MAGI2: variants seen among roughly 807,000 people sequenced by gnomAD.
MAGI2 encodes membrane associated guanylate kinase, WW and PDZ domain containing 2, also known as membrane-associated guanylate kinase, WW and PDZ domain-containing protein 2.
Under a neutral mutation model 133.3 loss-of-function variants are expected in MAGI2, and 35 were observed. That is an observed-to-expected ratio of 0.26 (90% CI 0.20 to 0.35). The LOEUF (loss-of-function observed/expected upper bound fraction) is 0.35, where lower values mean the gene tolerates loss of function less well. MAGI2 is among the 10% of genes least tolerant of loss of function. MAGI2 has a pLI of 1.00. For missense variants in MAGI2, 1,636 were observed against 1,863.4 expected, an observed-to-expected ratio of 0.88 and a Z score of 2.25; for synonymous variants, 729 against 710.6, an observed-to-expected ratio of 1.03 and a Z score of -0.41.
intron 2 of MAGI2, among the ~76,000 whole-genome samples, chr7:78,843,084 C>G (rs1584114452): frequency 1.3e-5 from 2 of 151,756 alleles, no homozygotes; most frequent in East Asian, 3.9e-4. Flanking sequence ...ACATTTTGGG[C>G]TTTCTAACTG....
chr7:79,351,037 A>G (rs1371074633), intron 1 of MAGI2, among the ~76,000 whole-genome samples: 1 of 152,160 alleles, frequency 6.6e-6, no homozygotes, highest in Admixed American at 6.6e-5. Flanking sequence ...CTACATACCT[A>G]AAGAGTATCT....
At chr7:78,206,711 C>T (rs554750817) in intron 10 of MAGI2, among the ~76,000 whole-genome samples, 1 of 152,316 alleles carries the variant, frequency 6.6e-6, no homozygotes, top group African/African-American at 2.4e-5. Flanking sequence ...ATAGTTTCTC[C>T]TTTAGCTGAA....
intron 2 of MAGI2, among the ~76,000 whole-genome samples, chr7:79,003,585 G>A (rs892820387): frequency 6.6e-6 from 1 of 152,156 alleles, no homozygotes; most frequent in Non-Finnish European, 1.5e-5. Context: ...CAAGGAAAAT[G>A]TGTAACAAAT....
At chr7:78,914,419 G>A (rs1182174162) in intron 2 of MAGI2, among the ~76,000 whole-genome samples, 1 of 152,072 alleles carries the variant, frequency 6.6e-6, no homozygotes, top group African/African-American at 2.4e-5. Flanking sequence ...TAAATTATTA[G>A]TAAAGTCAAC....
At chr7:78,493,698 T>C (rs557212679) in intron 5 of MAGI2, among the ~76,000 whole-genome samples, 1 of 152,270 alleles carries the variant, frequency 6.6e-6, no homozygotes, top group African/African-American at 2.4e-5. Flanking sequence ...CTGAGGTGCT[T>C]CATTTCACTC....
chr7:78,609,642 C>T (rs1203206535), intron 3 of MAGI2, among the ~76,000 whole-genome samples: 3 of 152,182 alleles, frequency 2.0e-5, no homozygotes, highest in Admixed American at 1.3e-4. Flanking sequence ...CCTTCTTCTA[C>T]TACCCACCCA....
At chr7:78,462,078 C>G (rs1180161909) in intron 6 of MAGI2, among the ~76,000 whole-genome samples, 1 of 151,972 alleles carries the variant, frequency 6.6e-6, no homozygotes, top group Non-Finnish European at 1.5e-5. Flanking sequence ...AAATATGTGA[C>G]TCCATGGCAC....
At chr7:78,522,767 T>G (rs1386820052) in intron 3 of MAGI2, among the ~76,000 whole-genome samples, 4 of 152,232 alleles carry the variant, frequency 2.6e-5, no homozygotes, top group Admixed American at 6.5e-5. Context: ...CATATTTTTT[T>G]GAAATCAATC....
chr7:78,975,075 T>A (rs1430327699), intron 2 of MAGI2, among the ~76,000 whole-genome samples: 1 of 151,808 alleles, frequency 6.6e-6, no homozygotes, highest in Non-Finnish European at 1.5e-5. Context: ...GAGTCCACTA[T>A]GAGAGTTGGA....
At chr7:79,052,193 G>A (rs375978314) in intron 1 of MAGI2, among the ~76,000 whole-genome samples, 7 of 152,104 alleles carry the variant, frequency 4.6e-5, no homozygotes, top group East Asian at 1.9e-4. Context: ...GAGCAGAGAT[G>A]ACTCAGCAGG....
At chr7:78,607,498 T>TAAA (rs11318579) in intron 3 of MAGI2, among the ~76,000 whole-genome samples, 2 of 139,592 alleles carry the variant, frequency 1.4e-5, no homozygotes, top group Non-Finnish European at 3.1e-5. Flanking sequence ...AAGTCAAACT[T>TAAA]AAAAAAAAAA....
intron 1 of MAGI2, among the ~76,000 whole-genome samples, chr7:79,112,476 C>T (rs1032565991): frequency 6.6e-6 from 1 of 152,000 alleles, no homozygotes; most frequent in Non-Finnish European, 1.5e-5. Context: ...AATTATTTTC[C>T]TTCTCTGCAG....
At chr7:78,376,173 C>T (rs1794432923) in intron 6 of MAGI2, among the ~76,000 whole-genome samples, 1 of 152,028 alleles carries the variant, frequency 6.6e-6, no homozygotes, top group South Asian at 2.1e-4. Flanking sequence ...CCAGTTTGCT[C>T]CTTTTTACCA....
At chr7:78,515,826 G>T (rs1795992475) in intron 4 of MAGI2, among the ~76,000 whole-genome samples, 1 of 150,542 alleles carries the variant, frequency 6.6e-6, no homozygotes, top group Admixed American at 6.6e-5. Flanking sequence ...TTGAACACGG[G>T]AAGCGGAGGT....
intron 1 of MAGI2, among the ~76,000 whole-genome samples, chr7:79,415,916 T>C (rs191894015): frequency 6.6e-6 from 1 of 152,140 alleles, no homozygotes; most frequent in East Asian, 1.9e-4. Flanking sequence ...TAGCAGGAGG[T>C]ACTGGAAGGG....
chr7:78,654,412 G>GAACC (rs1468029755), intron 2 of MAGI2, among the ~76,000 whole-genome samples: 1 of 152,056 alleles, frequency 6.6e-6, no homozygotes, highest in East Asian at 1.9e-4. Context: ...AGTCTTGAAT[G>GAACC]AACCTGGTCC....
At chr7:78,057,103 G>A (rs1252406463) in intron 21 of MAGI2, among the ~76,000 whole-genome samples, 1 of 149,966 alleles carries the variant, frequency 6.7e-6, no homozygotes, top group Non-Finnish European at 1.5e-5. Context: ...GGGATTGTTG[G>A]ATTATATGGT....
intron 9 of MAGI2, among the ~76,000 whole-genome samples, chr7:78,273,501 G>C (rs1032039898): frequency 2.6e-5 from 4 of 152,158 alleles, no homozygotes; most frequent in African/African-American, 9.7e-5. Flanking sequence ...TGTTGGGGAA[G>C]TTCTCCTGGA....
At position 78,019,838 on chromosome 7, in the gene MAGI2, G is replaced by C. The variant is rs768120484; in HGVS notation, c.3845C>G (p.Pro1282Arg). 6.2e-7 allele frequency: 1 copy of C among 1,613,624 alleles called. No individual in the cohort carries two copies. ...CCGTTTGATATCCCAAGTTGGGCCT[G>C]GGCTTATCTGGTGGGAAGGGTCGGA... ...PPSDPSHQISPGPTWDIKREH... is the reference protein window; with the variant it reads ...PPSDPSHQISRGPTWDIKREH... The change falls in exon 22 of 22, where the codon CCA becomes CGA. Residue 1282 changes from proline to arginine, a missense_variant. Pro to Arg is a moderately radical substitution (Grantham distance 103). Around this residue, in one of 5 missense-constraint regions of MAGI2, gnomAD observed 354 missense variants for 298.7 expected, o/e 1.19. Transcript: ENST00000354212.
Sources: allele counts gnomAD v4.1 joint callset (sites outside exome capture counted in the v4.1 genomes callset), GRCh38; gene constraint gnomAD v4.1.1; regional missense constraint gnomAD v4.1.1; transcripts MANE v1.5; gene names NCBI Gene and HGNC (gene_info 2026-07-23, HGNC 2026-07-21).